Variants in NEURL1 observed in about 807,000 individuals in gnomAD.
NEURL1 encodes E3 ubiquitin-protein ligase NEURL1.
NEURL1 carries 26 observed loss-of-function variants against 41.2 expected under a neutral mutation model. The ratio of observed to expected loss-of-function variants is 0.63; its 90% CI spans 0.46 to 0.87. The LOEUF is 0.87. Among genes scored for constraint, NEURL1 ranks in the 40% least tolerant of loss-of-function variants. The pLI, the probability that NEURL1 is intolerant of heterozygous loss-of-function variation, is 0.00. For missense variants in NEURL1, 761 were observed against 871.1 expected (o/e 0.87, Z 1.59); for synonymous variants, 400 against 402.3 (o/e 0.99, Z 0.07).
chr10:103,550,718 C>T (rs569419605), intron 1 of NEURL1: 1 of 152,262 alleles, frequency 6.6e-6, no homozygotes, highest in African/African-American at 2.4e-5. Context: ...CTTCTCTCCT[C>T]TAAGCAAGAG....
chr10:103,504,996 T>C (rs1266419344), intron 1 of NEURL1, among the ~76,000 whole-genome samples: 2 of 151,726 alleles, frequency 1.3e-5, no homozygotes, highest in Admixed American at 6.6e-5. Context: ...TAAATGCCAC[T>C]GGCCGCTCCA....
At chr10:103,512,908 C>T (rs1293633974) in intron 1 of NEURL1, among the ~76,000 whole-genome samples, 1 of 152,126 alleles carries the variant, frequency 6.6e-6, no homozygotes, top group Non-Finnish European at 1.5e-5. Context: ...CTCCTGGCCT[C>T]CCAGTCAAGG....
chr10:103,542,940 A>T (rs984665449), intron 1 of NEURL1, among the ~76,000 whole-genome samples: 4 of 152,226 alleles, frequency 2.6e-5, no homozygotes, highest in African/African-American at 9.6e-5. Context: ...TCTTGAGCAC[A>T]GCTTCCTGTC....
chr10:103,498,434 G>T (rs112020429), intron 1 of NEURL1, among the ~76,000 whole-genome samples: 1 of 151,854 alleles, frequency 6.6e-6, no homozygotes, highest in Non-Finnish European at 1.5e-5. Context: ...CACCGTGTTA[G>T]CCAGGATGGT....
At chr10:103,550,532 G>C (rs1293087536) in intron 1 of NEURL1, 2 of 152,266 alleles carry the variant, frequency 1.3e-5, no homozygotes, top group Non-Finnish European at 2.9e-5. Flanking sequence ...GACATCTCCA[G>C]TGTCTGTCTG....
chr10:103,551,045 G>T (rs895134889), intron 1 of NEURL1: 1 of 152,136 alleles, frequency 6.6e-6, no homozygotes, highest in Non-Finnish European at 1.5e-5. Flanking sequence ...ATGGAACACA[G>T]ATCATTTAGC....
intron 1 of NEURL1, among the ~76,000 whole-genome samples, chr10:103,536,177 T>C (rs2034688115): frequency 6.6e-6 from 1 of 152,132 alleles, no homozygotes. Flanking sequence ...TCTTCTGTTC[T>C]CTGTGTAGCC....
chr10:103,535,349 A>T (rs1217194224), intron 1 of NEURL1, among the ~76,000 whole-genome samples: 1 of 152,106 alleles, frequency 6.6e-6, no homozygotes, highest in Non-Finnish European at 1.5e-5. Flanking sequence ...GTCTCAGTTC[A>T]TTCACAGCTC....
intron 1 of NEURL1, among the ~76,000 whole-genome samples, chr10:103,532,204 A>G (rs764669988): frequency 2.0e-5 from 3 of 152,212 alleles, no homozygotes; most frequent in Non-Finnish European, 4.4e-5. Flanking sequence ...TATTGTTGAT[A>G]GGTGAGGACT....
intron 1 of NEURL1, among the ~76,000 whole-genome samples, chr10:103,536,055 T>C (rs2034685896): frequency 6.6e-6 from 1 of 152,110 alleles, no homozygotes; most frequent in Non-Finnish European, 1.5e-5. Flanking sequence ...ACTCCAGTGG[T>C]GAGGTCTGTA....
In NEURL1 at chr10:103,591,273, C is replaced by G. The variant is rs2036039870; in HGVS notation, c.*901C>G. 6.5e-6 allele frequency: 1 copy of G among 152,848 alleles called. No homozygotes were observed. Among genetic ancestry groups the G allele is most frequent in the Non-Finnish European group, 1.5e-5 (1 of 68,196 alleles). 9.5% of individuals were successfully genotyped at this position (152,848 alleles called of 1,614,324 possible). On this transcript the variant is annotated 3_prime_UTR_variant, in exon 6 of 6. Transcript: ENST00000369780. Reference sequence around the variant, plus strand: ...ACCCTCTCTGACCTTTTCCCCATATCTTGTGCTGTCCAGGGCCTAGGCTGA... The same window carrying G: ...ACCCTCTCTGACCTTTTCCCCATATGTTGTGCTGTCCAGGGCCTAGGCTGA...
At chr10:103,504,338 TCA>T (rs2033898791) in intron 1 of NEURL1, among the ~76,000 whole-genome samples, 1 of 152,188 alleles carries the variant, frequency 6.6e-6, no homozygotes, top group Non-Finnish European at 1.5e-5. Context: ...TGACAATTTC[TCA>T]CACTTTCCTT....
chr10:103,579,076 AG>A (rs2035731031), intron 3 of NEURL1, among the ~76,000 whole-genome samples: 1 of 152,228 alleles, frequency 6.6e-6, no homozygotes, highest in Non-Finnish European at 1.5e-5. Context: ...GCCTGCCCTG[AG>A]GTCCCCCACG....
chr10:103,550,320 AGGGCCTT>A (rs1189562449), intron 1 of NEURL1, among the ~76,000 whole-genome samples: 2 of 152,116 alleles, frequency 1.3e-5, no homozygotes, highest in Non-Finnish European at 2.9e-5. Context: ...AGTAGTGGGG[AGGGCCTT>A]GGGAGCTGAA....
At chr10:103,563,435 A>C (rs2035349412) in intron 1 of NEURL1, among the ~76,000 whole-genome samples, 1 of 152,050 alleles carries the variant, frequency 6.6e-6, no homozygotes, top group African/African-American at 2.4e-5. Context: ...TCCAATACTC[A>C]TTCTCTGTGC....
At chr10:103,563,754 A>G (rs758769140) in intron 1 of NEURL1, among the ~76,000 whole-genome samples, 1 of 152,246 alleles carries the variant, frequency 6.6e-6, no homozygotes, top group African/African-American at 2.4e-5. Flanking sequence ...AAGGCCTGCC[A>G]TGACCCCATT....
intron 1 of NEURL1, among the ~76,000 whole-genome samples, chr10:103,528,546 A>AG (rs1281074524): frequency 6.6e-6 from 1 of 151,948 alleles, no homozygotes; most frequent in Non-Finnish European, 1.5e-5. Context: ...AAAAAAAAAA[A>AG]AAAAGAAAAG....
chr10:103,510,437 G>T (rs1027473130), intron 1 of NEURL1, among the ~76,000 whole-genome samples: 1 of 152,204 alleles, frequency 6.6e-6, no homozygotes, highest in African/African-American at 2.4e-5. Flanking sequence ...GCGGCCCCTG[G>T]GGAGAGTGAG....
intron 1 of NEURL1, among the ~76,000 whole-genome samples, chr10:103,522,262 ACAGT>A (rs2034366489): frequency 6.6e-6 from 1 of 152,054 alleles, no homozygotes; most frequent in Non-Finnish European, 1.5e-5. Context: ...CAGAGGCCTG[ACAGT>A]CAGCATTTTG....
Sources: gnomAD v4.1 joint callset for allele counts (sites outside exome capture counted in the v4.1 genomes callset) on GRCh38, gnomAD v4.1.1 for gene constraint, MANE v1.5 for transcripts, NCBI Gene and HGNC (gene_info 2026-07-23, HGNC 2026-07-21) for gene names.